The following NUP98 variants were observed in gnomAD, a reference collection of about 807,000 sequenced individuals.
NUP98 encodes the protein nucleoporin 98 and 96 precursor.
Under a neutral mutation model 191.9 loss-of-function variants are expected in NUP98, and 26 were observed. That is an observed-to-expected ratio of 0.14 (90% CI 0.10 to 0.19). The LOEUF (loss-of-function observed/expected upper bound fraction) is 0.19. Among genes scored for constraint, NUP98 ranks in the 10% least tolerant of loss-of-function variants. NUP98 has a pLI of 1.00. For synonymous variants in NUP98, 808 were observed against 778.4 expected (o/e 1.04, Z -0.63); for missense variants, 1,941 against 2,178.8 (o/e 0.89, Z 2.17).
At chr11:3,742,108 A>G (rs1360179809) in intron 12 of NUP98, among the ~76,000 whole-genome samples, 1 of 152,218 alleles carries the variant, frequency 6.6e-6, no homozygotes, top group Non-Finnish European at 1.5e-5. Context: ...CAGAGTCCAC[A>G]CTGCTGCAGG....
chr11:3,719,283 TAG>T, intron 18 of NUP98, 127 bp downstream of exon 18: 1 of 618,702 alleles, frequency 1.6e-6, no homozygotes, highest in Non-Finnish European at 2.7e-6. Flanking sequence ...TAAATCAAAG[TAG>T]AGACAATAAA....
At chr11:3,773,548 A>G (rs1188669839) in intron 6 of NUP98, 84 bp downstream of exon 6, 7 of 843,220 alleles carry the variant, frequency 8.3e-6, no homozygotes, top group South Asian at 1.8e-5. Context: ...ACTCTATCCT[A>G]AAGAAAATCA....
At chr11:3,734,958 A>G (rs1452039199) in intron 13 of NUP98, among the ~76,000 whole-genome samples, 1 of 152,208 alleles carries the variant, frequency 6.6e-6, no homozygotes, top group Non-Finnish European at 1.5e-5. Context: ...TTATTTCAGG[A>G]CTGTTGAAAA....
At chr11:3,795,517 T>A (rs948457237) in intron 1 of NUP98, among the ~76,000 whole-genome samples, 2 of 152,104 alleles carry the variant, frequency 1.3e-5, no homozygotes, top group African/African-American at 4.8e-5. Flanking sequence ...AACTATCTTA[T>A]CTGGGCCCCA....
intron 7 of NUP98, among the ~76,000 whole-genome samples, chr11:3,769,003 TCTGTTTTACAAGATAATACA>T (rs1333738665): frequency 6.6e-6 from 1 of 152,198 alleles, no homozygotes; most frequent in Non-Finnish European, 1.5e-5. Context: ...ACAGCTTCCT[TCTGTTTTACAAGATAATACA>T]CTAGAAGTCA....
intron 8 of NUP98, among the ~76,000 whole-genome samples, chr11:3,763,887 T>C (rs952311257): frequency 4.6e-5 from 7 of 152,226 alleles, no homozygotes; most frequent in Non-Finnish European, 1.0e-4. Context: ...CAATGAGCAG[T>C]CTGCATCATC....
intron 1 of NUP98, among the ~76,000 whole-genome samples, chr11:3,782,801 G>A (rs1297084251): frequency 6.6e-6 from 1 of 152,002 alleles, no homozygotes; most frequent in Non-Finnish European, 1.5e-5. Context: ...CCACCTGGGT[G>A]CTGAGATTAC....
chr11:3,792,178 C>CAAAAAAAAAAAA (rs61471948), intron 1 of NUP98, among the ~76,000 whole-genome samples: 4 of 58,852 alleles, frequency 6.8e-5, no homozygotes, highest in Non-Finnish European at 9.3e-5. Flanking sequence ...AACTCCATCT[C>CAAAAAAAAAAAA]AAAAAAAAAA....
In NUP98 at chr11:3,735,272, G is replaced by A. The variant is rs755237842; in HGVS notation, c.1461C>T (p.His487=). 16 of 1,591,120 alleles carry A rather than the reference G, an allele frequency of 1.0e-5. No homozygotes were observed. The highest frequency in any genetic ancestry group is 2.7e-5 in the African/African-American group (2 of 74,402). The stretch of plus-strand genomic sequence containing the variant: ...AAGGTGAGTATGTTAGACTATTGAT[G>A]TGCTGCTGGAGAACAGCCTGCTGGG... ...SAAQQAVLQQ[H]INSLTYSPFG... is the part of the protein sequence containing the mutation. The change falls in exon 13 of 33, where the codon CAC becomes CAT. Residue 487 remains histidine (H), a synonymous_variant. Transcript: ENST00000324932.
intron 11 of NUP98, among the ~76,000 whole-genome samples, chr11:3,751,946 G>A (rs1461254202): frequency 6.6e-6 from 1 of 151,906 alleles, no homozygotes; most frequent in African/African-American, 2.4e-5. Context: ...GGGAGGTTGA[G>A]GTGGGAGGAT....
chr11:3,767,844 T>C (rs2081389352), intron 8 of NUP98, among the ~76,000 whole-genome samples: 2 of 152,086 alleles, frequency 1.3e-5, no homozygotes, highest in Non-Finnish European at 2.9e-5. Context: ...AAAACTTCTT[T>C]GTATGATTCC....
intron 28 of NUP98, 107 bp downstream of exon 28, chr11:3,691,240 T>G: frequency 1.7e-6 from 2 of 1,200,010 alleles, no homozygotes; most frequent in Non-Finnish European, 2.4e-6. Context: ...GTAGTTTATA[T>G]GGACTTACAG....
At chr11:3,780,973 G>A (rs755787579) in intron 2 of NUP98, among the ~76,000 whole-genome samples, 7 of 151,762 alleles carry the variant, frequency 4.6e-5, no homozygotes, top group South Asian at 2.1e-4. Context: ...CCAGCTACTC[G>A]GGGGGCTGAG....
intron 18 of NUP98, among the ~76,000 whole-genome samples, chr11:3,716,815 T>C (rs1032049990): frequency 2.6e-5 from 4 of 152,106 alleles, no homozygotes; most frequent in Non-Finnish European, 4.4e-5. Context: ...TTATTATAGA[T>C]TTATAATAAG....
At chr11:3,688,501 T>C (rs1589960466) in intron 28 of NUP98, among the ~76,000 whole-genome samples, 2 of 151,224 alleles carry the variant, frequency 1.3e-5, no homozygotes, top group South Asian at 2.1e-4. Context: ...ATAATTAATA[T>C]AGTTAAATAC....
At chr11:3,727,718 T>C (rs2079675006) in intron 14 of NUP98, among the ~76,000 whole-genome samples, 1 of 152,088 alleles carries the variant, frequency 6.6e-6, no homozygotes, top group Admixed American at 6.6e-5. Context: ...GGAACACGAC[T>C]CTACAGAAAA....
At chr11:3,782,255 ACT>A (rs886861842) in intron 1 of NUP98, 110 bp from the exon 2 acceptor site, 8 of 550,716 alleles carry the variant, frequency 1.5e-5, no homozygotes, top group African/African-American at 1.4e-4. Context: ...TATAGTATAT[ACT>A]CTCATTCAAA....
At chr11:3,689,026 G>C (rs2078223808) in intron 28 of NUP98, among the ~76,000 whole-genome samples, 1 of 151,870 alleles carries the variant, frequency 6.6e-6, no homozygotes, top group South Asian at 2.1e-4. Flanking sequence ...TTGAGCTCAG[G>C]AGCTTGAGAA....
chr11:3,716,794 TA>T (rs1353001276), intron 18 of NUP98, among the ~76,000 whole-genome samples: 1 of 152,108 alleles, frequency 6.6e-6, no homozygotes, highest in African/African-American at 2.4e-5. Context: ...GCCACTACCA[TA>T]CTGTTTTGAT....
Sources: gnomAD v4.1 joint callset for allele counts (sites outside exome capture counted in the v4.1 genomes callset) on GRCh38, gnomAD v4.1.1 for gene constraint, MANE v1.5 for transcripts, NCBI Gene and HGNC (gene_info 2026-07-23, HGNC 2026-07-21) for gene names.